The following CHD3 variants were observed in gnomAD, a reference collection of about 807,000 sequenced individuals.
The protein encoded by CHD3 is chromodomain helicase DNA binding protein 3.
CHD3 carries 52 observed loss-of-function variants against 248.9 expected under a neutral mutation model. The observed-to-expected ratio is 0.21, with a 90% confidence interval of 0.17 to 0.26. The LOEUF (loss-of-function observed/expected upper bound fraction) is 0.26. Among genes scored for constraint, CHD3 ranks in the 10% least tolerant of loss-of-function variants. The probability of loss-of-function intolerance (pLI) is 1.00; values close to 1 mark genes in which losing one functional copy is unlikely to be tolerated. For missense variants in CHD3, 1,482 were observed against 2,605.8 expected (o/e 0.57, Z 9.39); for synonymous variants, 985 against 985.2 (o/e 1.00, Z 0.00).
At chr17:7,887,786 C>A (rs572975258), upstream of CHD3, among the ~76,000 whole-genome samples, 2 of 152,308 alleles carry the variant, frequency 1.3e-5, no homozygotes, top group Admixed American at 6.5e-5. Context: ...GAGATCCGAG[C>A]CGGGGATGTG....
chr17:7,894,833 C>A, intron 8 of CHD3, 84 bp from the exon 9 acceptor site: 1 of 1,566,976 alleles, frequency 6.4e-7, no homozygotes, highest in Non-Finnish European at 8.6e-7. Flanking sequence ...TTCTAGGATT[C>A]AGGTGTCCTG....
In CHD3 at chr17:7,893,491, C is replaced by T. The variant is rs1325218074; in HGVS notation, c.715C>T (p.Pro239Ser). Residue 239 changes from proline to serine, a missense_variant, in exon 5 of 40, where the codon CCC (proline) becomes TCC (serine). Pro to Ser is a moderately conservative substitution (Grantham distance 74). Transcript: ENST00000330494. ...SSATPIAPSG[P>S]PALPPPPAAD... ...GGCCACCCCCATAGCACCCTCCGGA[C>T]CCCCCGCCCTTCCACCACCCCCTGC... 5.7e-6 allele frequency: 8 copies of T among 1,411,382 alleles called. No homozygotes were observed. Among genetic ancestry groups the T allele is most frequent in the East Asian group, 4.7e-5 (2 of 42,180 alleles). The allele number at this position is 1,411,382 out of a possible 1,614,324, so 87.4% of individuals were successfully genotyped here. A position where few individuals can be genotyped will look rare whatever the true frequency, so the allele number is the denominator to read the frequency against.
In CHD3 at chr17:7,909,240, C is replaced by T. The variant is rs1365782473; in HGVS notation, c.5492C>T (p.Ala1831Val). Residue 1831 changes from alanine (A) to valine (V), a missense_variant, in exon 37 of 40, where the codon GCC (alanine) becomes GTC (valine). Ala to Val is a moderately conservative substitution (Grantham distance 64). Around this residue, in one of 20 missense-constraint regions of CHD3, gnomAD observed 83 missense variants for 181.0 expected, o/e 0.46. Transcript: ENST00000330494. The surrounding 1 kb of genome is among the most constrained non-coding windows in gnomAD (Gnocchi z 8.1). The part of the protein sequence containing the change: ...EPAHPAMALH[A>V]RFAEAECLAE... ...GCGCACCCCGCCATGGCCCTCCACG[C>T]CCGCTTCGCCGAGGCCGAGTGCCTG... 6.4e-7 allele frequency: 1 copy of T among 1,552,590 alleles called. No individual in the cohort carries two copies. Among genetic ancestry groups the T allele is most frequent in the Admixed American group, 1.9e-5 (1 of 51,310 alleles).
In CHD3 at chr17:7,904,436, C is replaced by G; in HGVS notation, c.3895-6C>G. 2 of 1,611,480 alleles carry G rather than the reference C, an allele frequency of 1.2e-6. No homozygotes were observed. The highest frequency in any genetic ancestry group is 8.5e-7 in the Non-Finnish European group (1 of 1,178,102). ...CCCAGTGTTCATTCATTCTGTTGCC[C>G]TTCAGATTGAGGAAATTGAGCGAGA... is the stretch of plus-strand genomic sequence containing the variant. On this transcript the variant is annotated splice_region_variant and splice_polypyrimidine_tract_variant and intron_variant, in intron 24 of 39. Transcript: ENST00000330494. The surrounding 1 kb of genome is among the most constrained non-coding windows in gnomAD (Gnocchi z 4.4).
At chr17:7,892,725 G>C (rs1969063369) in intron 4 of CHD3, among the ~76,000 whole-genome samples, 1 of 152,092 alleles carries the variant, frequency 6.6e-6, no homozygotes, top group Non-Finnish European at 1.5e-5. Context: ...TCCATCTCTT[G>C]ACCTCGTGAT....
At chr17:7,886,917 C>T (rs1217907805), upstream of CHD3, among the ~76,000 whole-genome samples, 1 of 152,070 alleles carries the variant, frequency 6.6e-6, no homozygotes, top group Non-Finnish European at 1.5e-5. This position sits in a 1 kb window ranked among gnomAD's most constrained non-coding sequence, Gnocchi z 4.2. Flanking sequence ...TCCCCTTTCC[C>T]TCTTGGCTTT....
chr17:7,899,794 G>A lies in CHD3; in HGVS notation c.2545-102G>A. 1 of 1,417,492 alleles carries A rather than the reference G, an allele frequency of 7.1e-7. No individual in the cohort carries two copies. The highest frequency in any genetic ancestry group is 9.7e-7 in the Non-Finnish European group (1 of 1,028,098). 87.8% of individuals were successfully genotyped at this position (1,417,492 alleles called of 1,614,324 possible). A position where few individuals can be genotyped will look rare whatever the true frequency, so the allele number is the denominator to read the frequency against. On this transcript the variant is annotated intron_variant, in intron 15 of 39. Transcript: ENST00000330494. The surrounding 1 kb of genome is among the most constrained non-coding windows in gnomAD (Gnocchi z 6.8). The stretch of plus-strand genomic sequence containing the variant: ...ATCCCTGCTTGGAGAACAGAGTAAT[G>A]GCTCCTGTTGGGAGCCACAGTCAGG...
chr17:7,891,719 G>C (rs1320029658), intron 4 of CHD3, among the ~76,000 whole-genome samples: 2 of 152,062 alleles, frequency 1.3e-5, no homozygotes, highest in African/African-American at 4.8e-5. Flanking sequence ...AAATTAGCTG[G>C]GCGTGGTGGC....
chr17:7,903,786 T>C lies in CHD3; in HGVS notation c.3728-39T>C. On this transcript the variant is annotated intron_variant, in intron 23 of 39. Coordinates refer to ENST00000330494, the MANE Select transcript of CHD3 (RefSeq NM_001005273.3). This position sits in a 1 kb window ranked among gnomAD's most constrained non-coding sequence, Gnocchi z 6.8. ...GCTTTCCCATCAGCCTTTCTAAACT[T>C]TGGAACCCAAAGTTCCCGTTTGTTT... 2 of 1,607,276 alleles carry C rather than the reference T, an allele frequency of 1.2e-6. No individual in the cohort carries two copies. Among genetic ancestry groups the C allele is most frequent in the Non-Finnish European group, 1.7e-6 (2 of 1,174,826 alleles).
At position 7,895,418 on chromosome 17, in the gene CHD3, A is replaced by C. The variant is rs1480763016; in HGVS notation, c.1583A>C (p.Gln528Pro). 2 of 1,613,992 alleles carry C rather than the reference A, an allele frequency of 1.2e-6. No homozygotes were observed. Reference protein sequence around the residue: ...GEPPVAVPAPQQADGNPDVPP... With the variant: ...GEPPVAVPAPPQADGNPDVPP... ...CCACCTGTAGCAGTGCCAGCCCCTC[A>C]ACAGGCAGATGGAAATCCAGATGTC... is the stretch of plus-strand genomic sequence containing the variant. Residue 528 changes from glutamine (Q) to proline (P), a missense_variant, in exon 10 of 40, where the codon CAA (glutamine) becomes CCA (proline). Physicochemically the swap from Gln to Pro is moderately conservative, Grantham distance 76. This residue lies in a region of CHD3 where 138 missense variants were observed against 241.1 expected (regional missense o/e 0.57). Coordinates refer to ENST00000330494, the MANE Select transcript of CHD3 (RefSeq NM_001005273.3). This position sits in a 1 kb window ranked among gnomAD's most constrained non-coding sequence, Gnocchi z 4.9.
chr17:7,884,948 G>A (rs1479513855), upstream of CHD3: 8 of 1,379,072 alleles, frequency 5.8e-6, no homozygotes, highest in East Asian at 3.0e-5. Flanking sequence ...GGAGGACGAC[G>A]ACGAGGGAGT....
rs977129868 is a variant in CHD3 at position 7,910,854 on chromosome 17, C to T, written c.5762C>T (p.Pro1921Leu). ...GTEPHPTPAYPPGPYATPPGY... is the reference protein window; with the variant it reads ...GTEPHPTPAYLPGPYATPPGY... ...GCTTCCTCTCTGTTCCAGGCCTACC[C>T]GCCGGGTCCCTACGCTACACCTCCG... Residue 1921 changes from proline (P) to leucine (L), a missense_variant, in exon 39 of 40, where the codon CCG (proline) becomes CTG (leucine). Physicochemically the swap from Pro to Leu is moderately conservative, Grantham distance 98 (BLOSUM62 -3). This residue lies in a region of CHD3 where 117 missense variants were observed against 137.2 expected (regional missense o/e 0.85). Transcript: ENST00000330494. This position sits in a 1 kb window ranked among gnomAD's most constrained non-coding sequence, Gnocchi z 4.7. 2.6e-5 allele frequency: 41 copies of T among 1,601,996 alleles called. No individual in the cohort carries two copies. Among genetic ancestry groups the T allele is most frequent in the African/African-American group, 6.8e-5 (5 of 73,864 alleles).
chr17:7,903,531 AAGC>A lies in CHD3; in HGVS notation c.3727+31_3727+33del. 6.4e-7 allele frequency: 1 copy of A among 1,562,496 alleles called. No individual in the cohort carries two copies. The highest frequency in any genetic ancestry group is 1.1e-5 in the South Asian group (1 of 88,038). On this transcript the variant is annotated intron_variant, in intron 23 of 39. Coordinates refer to ENST00000330494, the MANE Select transcript of CHD3 (RefSeq NM_001005273.3). The surrounding 1 kb of genome is among the most constrained non-coding windows in gnomAD (Gnocchi z 6.8). ...GAGAACCTTTTCTGCAGCTCTGTGA[AAGC>A]AGGCCCCTGCTCTCTCAGGAGTACT... is the stretch of plus-strand genomic sequence containing the variant.
At chr17:7,885,428 A>AGGT (rs1346180539), upstream of CHD3, among the ~76,000 whole-genome samples, 1 of 146,820 alleles carries the variant, frequency 6.8e-6, no homozygotes, top group Non-Finnish European at 1.5e-5. Context: ...GAGGAGGAGG[A>AGGT]GGTTTTTTTT....
chr17:7,894,589 A>C lies in CHD3; in HGVS notation c.1250A>C (p.Lys417Thr), dbSNP rs758844821. 1 of 1,613,442 alleles carries C rather than the reference A, an allele frequency of 6.2e-7. No homozygotes were observed. The highest frequency in any genetic ancestry group is 1.3e-5 in the African/African-American group (1 of 74,862). ...GAGCTTGACCGGGCTCCAGAGGGCA[A>C]ATGGAGCTGCCCTCACTGTGTGAGT... ...DPELDRAPEGKWSCPHCEKEG... is the reference protein window; with the variant it reads ...DPELDRAPEGTWSCPHCEKEG... Residue 417 changes from lysine to threonine, a missense_variant, in exon 8 of 40, where the codon AAA (lysine) becomes ACA (threonine). Coordinates refer to ENST00000330494, the MANE Select transcript of CHD3 (RefSeq NM_001005273.3).
intron 20 of CHD3, 44 bp from the exon 21 acceptor site, chr17:7,902,566 C>T (rs1362047145): frequency 4.6e-6 from 6 of 1,305,000 alleles, no homozygotes; most frequent in Non-Finnish European, 6.7e-6. Context: ...GCAAGCATCC[C>T]ACCACCTCAT....
chr17:7,909,190 C>A lies in CHD3; in HGVS notation c.5442C>A (p.Ala1814=). 1.3e-6 allele frequency: 2 copies of A among 1,549,416 alleles called. No homozygotes were observed. The change falls in exon 37 of 40, where the codon GCC becomes GCA. Residue 1814 remains alanine, a synonymous_variant. Transcript: ENST00000330494. The surrounding 1 kb of genome is among the most constrained non-coding windows in gnomAD (Gnocchi z 8.1). ...TTGAGGAGCAGCTGCGGCGGGCGGC[C>A]TACCTGAACCTGTCGCAGGAGCCGG... ...LVIEEQLRRA[A]YLNLSQEPAH...
At position 7,895,281 on chromosome 17, in the gene CHD3, A is replaced by G. The variant is rs527371245; in HGVS notation, c.1504-58A>G. 1 of 1,599,354 alleles carries G rather than the reference A, an allele frequency of 6.3e-7. No individual in the cohort carries two copies. The highest frequency in any genetic ancestry group is 2.2e-5 in the East Asian group (1 of 44,740). Reference sequence around the variant, plus strand: ...TTGTGGGACCCCTATCTTCTCATCTAACAATGGGTTCTTTCTGCCTCTTTC... The same window carrying G: ...TTGTGGGACCCCTATCTTCTCATCTGACAATGGGTTCTTTCTGCCTCTTTC... On this transcript the variant is annotated intron_variant, in intron 9 of 39. Transcript: ENST00000330494. This position sits in a 1 kb window ranked among gnomAD's most constrained non-coding sequence, Gnocchi z 4.9.
rs1193275994 is a variant in CHD3 at position 7,905,042 on chromosome 17, C to A, written c.4073-58C>A. Reference sequence around the variant, plus strand: ...GGAGGAATCCAGCCAGAAAGGGCCTCAGCATGGGCATATCCCGAGAGCCCT... The same window carrying A: ...GGAGGAATCCAGCCAGAAAGGGCCTAAGCATGGGCATATCCCGAGAGCCCT... On this transcript the variant is annotated intron_variant, in intron 25 of 39. Coordinates refer to ENST00000330494, the MANE Select transcript of CHD3 (RefSeq NM_001005273.3). The surrounding 1 kb of genome is among the most constrained non-coding windows in gnomAD (Gnocchi z 5.8). The A allele has an allele frequency of 6.7e-7, 1 of 1,494,942 alleles. No homozygotes were observed. The highest frequency in any genetic ancestry group is 9.3e-7 in the Non-Finnish European group (1 of 1,072,006). The allele number at this position is 1,494,942 out of a possible 1,614,324, so 92.6% of individuals were successfully genotyped here. A position where few individuals can be genotyped will look rare whatever the true frequency, so the allele number is the denominator to read the frequency against.
Sources: gnomAD v4.1 joint callset for allele counts (sites outside exome capture counted in the v4.1 genomes callset) on GRCh38, gnomAD v4.1.1 for gene constraint, gnomAD v4.1.1 regional missense constraint, Gnocchi (gnomAD v3.1) non-coding constraint, MANE v1.5 for transcripts, NCBI Gene and HGNC (gene_info 2026-07-23, HGNC 2026-07-21) for gene names.